Variants in PRR16 observed in about 807,000 individuals in gnomAD.
PRR16 encodes proline rich 16.
Under a neutral mutation model 18.2 loss-of-function variants are expected in PRR16, and 6 were observed. The ratio of observed to expected loss-of-function variants is 0.33; its 90% CI spans 0.18 to 0.65. The LOEUF is 0.65. Ranked by LOEUF, PRR16 falls within the 30% of genes least tolerant of loss-of-function variation. PRR16 has a pLI of 0.74. For missense variants in PRR16, 412 were observed against 376.6 expected (o/e 1.09, Z -0.78); for synonymous variants, 151 against 147.8 (o/e 1.02, Z -0.16).
chr5:120,549,410 G>T (rs1752182662), intron 1 of PRR16, among the ~76,000 whole-genome samples: 1 of 151,838 alleles, frequency 6.6e-6, no homozygotes, highest in Non-Finnish European at 1.5e-5. Flanking sequence ...AGAGACACTT[G>T]TTAGAATAAC....
intron 1 of PRR16, among the ~76,000 whole-genome samples, chr5:120,508,862 A>C (rs957535063): frequency 4.6e-5 from 7 of 152,140 alleles, no homozygotes; most frequent in Non-Finnish European, 1.0e-4. Context: ...GCATAAGCTA[A>C]ATCATGTCAT....
intron 1 of PRR16, among the ~76,000 whole-genome samples, chr5:120,685,645 A>T (rs1410626710): frequency 6.6e-6 from 1 of 152,124 alleles, no homozygotes; most frequent in Non-Finnish European, 1.5e-5. Context: ...TATTTTTAAA[A>T]ATCAGTTATA....
intron 1 of PRR16, among the ~76,000 whole-genome samples, chr5:120,645,992 T>G (rs747964443): frequency 2.1e-4 from 31 of 146,666 alleles, no homozygotes; most frequent in Non-Finnish European, 3.4e-4. Context: ...TGATCAATGT[T>G]CAGGAGTTAG....
At chr5:120,717,568 G>T in the PRR16 span, among the ~76,000 whole-genome samples, 1 of 152,156 alleles carries the variant, frequency 6.6e-6, no homozygotes, top group Non-Finnish European at 1.5e-5. Flanking sequence ...AAAACAAAAT[G>T]ACAGTGCTGT....
chr5:120,684,684 C>G (rs1179154304), intron 1 of PRR16, among the ~76,000 whole-genome samples: 1 of 152,170 alleles, frequency 6.6e-6, no homozygotes, highest in Non-Finnish European at 1.5e-5. Context: ...CTCTGAAAGT[C>G]AGCATTTGAG....
the PRR16 span, among the ~76,000 whole-genome samples, chr5:120,741,668 C>T: frequency 1.1e-4 from 16 of 152,124 alleles, no homozygotes; most frequent in African/African-American, 3.1e-4. Flanking sequence ...CTGGCCCGAT[C>T]ACGGCTCACT....
chr5:120,730,814 T>C, the PRR16 span, among the ~76,000 whole-genome samples: 18 of 152,310 alleles, frequency 1.2e-4, 1 homozygote, highest in East Asian at 3.3e-3. Flanking sequence ...AACAAAATTG[T>C]TATTTACCCT....
intron 1 of PRR16, among the ~76,000 whole-genome samples, chr5:120,633,681 A>G (rs1264703743): frequency 2.0e-5 from 3 of 152,050 alleles, no homozygotes; most frequent in Admixed American, 2.0e-4. Flanking sequence ...ATCACAATTC[A>G]AAATATATAT....
chr5:120,769,875 TC>T, the PRR16 span, among the ~76,000 whole-genome samples: 2 of 151,922 alleles, frequency 1.3e-5, no homozygotes, highest in Non-Finnish European at 2.9e-5. Context: ...ACACTTGTTT[TC>T]TTTTGATTTT....
intron 1 of PRR16, among the ~76,000 whole-genome samples, chr5:120,493,748 A>T (rs1321280757): frequency 6.6e-6 from 1 of 152,190 alleles, no homozygotes; most frequent in Non-Finnish European, 1.5e-5. Flanking sequence ...TCTATAATTT[A>T]TCTTTTCAAG....
intron 1 of PRR16, among the ~76,000 whole-genome samples, chr5:120,530,985 AT>A (rs1356283716): frequency 1.3e-5 from 2 of 152,222 alleles, no homozygotes; most frequent in African/African-American, 4.8e-5. Flanking sequence ...AGAAACAGAA[AT>A]AGATATACAG....
chr5:120,588,065 A>G (rs116635519), intron 1 of PRR16, among the ~76,000 whole-genome samples: 65 of 152,342 alleles, frequency 4.3e-4, no homozygotes, highest in Non-Finnish European at 8.5e-4. Context: ...GCCTATGTGT[A>G]AATAGCAAGA....
At chr5:120,565,278 T>A (rs1752701852) in intron 1 of PRR16, among the ~76,000 whole-genome samples, 1 of 152,182 alleles carries the variant, frequency 6.6e-6, no homozygotes, top group Non-Finnish European at 1.5e-5. Flanking sequence ...CTTTTCAATT[T>A]CTTTATGTGT....
chr5:120,658,462 A>G (rs1383449954), intron 1 of PRR16: 1 of 151,916 alleles, frequency 6.6e-6, no homozygotes, highest in Admixed American at 6.6e-5. Flanking sequence ...CGTGTTCACT[A>G]TTTCACTTTC....
intron 1 of PRR16, among the ~76,000 whole-genome samples, chr5:120,536,504 C>A (rs536744151): frequency 1.3e-5 from 2 of 152,066 alleles, no homozygotes; most frequent in African/African-American, 2.4e-5. Flanking sequence ...CCAAAAATGT[C>A]TCTTTTTTTT....
intron 1 of PRR16, among the ~76,000 whole-genome samples, chr5:120,599,016 A>T (rs544486234): frequency 8.6e-5 from 13 of 151,974 alleles, no homozygotes; most frequent in African/African-American, 2.9e-4. Context: ...AATATATTTC[A>T]TGGGATTTTT....
chr5:120,543,145 C>A (rs1751966983), intron 1 of PRR16, among the ~76,000 whole-genome samples: 1 of 152,038 alleles, frequency 6.6e-6, no homozygotes, highest in Non-Finnish European at 1.5e-5. Context: ...TGCAGAGATT[C>A]AACTTGTAAT....
rs1376106149 is a variant in PRR16 at position 120,686,310 on chromosome 5, C to T, written c.516C>T (p.Cys172=). The change falls in exon 2 of 2, where the codon TGC becomes TGT. Residue 172 remains cysteine, a synonymous_variant. Transcript: ENST00000407149. ...ACAAAATTCCAAATGGAGATATCTG[C>T]TGCATACCCAACAGTAACTTGGACA... ...GPNKIPNGDI[C]CIPNSNLDKA... The T allele has an allele frequency of 1.9e-6, 3 of 1,614,136 alleles. No homozygotes were observed. In the Admixed American group the frequency reaches 5.0e-5, roughly 27 times the overall value.
At chr5:120,505,928 G>T (rs1401716180) in intron 1 of PRR16, among the ~76,000 whole-genome samples, 1 of 133,840 alleles carries the variant, frequency 7.5e-6, no homozygotes, top group African/African-American at 3.0e-5. Context: ...TGATATATAT[G>T]TGTGTATGTG....
Sources: gnomAD v4.1 joint callset for allele counts (sites outside exome capture counted in the v4.1 genomes callset) on GRCh38, gnomAD v4.1.1 for gene constraint, MANE v1.5 for transcripts, NCBI Gene and HGNC (gene_info 2026-07-23, HGNC 2026-07-21) for gene names.